Variants in CSMD1 observed in about 807,000 individuals in gnomAD.
CSMD1 encodes CUB and sushi domain-containing protein 1.
CSMD1 carries 213 observed loss-of-function variants against 417.5 expected under a neutral mutation model. The observed-to-expected ratio is 0.51, with a 90% CI of 0.46 to 0.57. The LOEUF is 0.57. Ranked by LOEUF, CSMD1 falls within the 20% of genes least tolerant of loss-of-function variation. The pLI, the probability that CSMD1 is intolerant of heterozygous loss-of-function variation, is 0.00. For missense variants in CSMD1, 6,923 were observed against 4,529.7 expected (o/e 1.53, Z -15.17); for synonymous variants, 2,862 against 1,736.8 (o/e 1.65, Z -16.11).
At chr8:4,123,741 AAT>A (rs1350911219) in intron 3 of CSMD1, among the ~76,000 whole-genome samples, 1 of 152,204 alleles carries the variant, frequency 6.6e-6, no homozygotes, top group Non-Finnish European at 1.5e-5. Context: ...ATTAGAATTC[AAT>A]GTGTTTATGC....
At chr8:3,277,983 G>GT (rs371139672) in intron 26 of CSMD1, among the ~76,000 whole-genome samples, 46 of 152,260 alleles carry the variant, frequency 3.0e-4, no homozygotes, top group Middle Eastern at 3.4e-3. Flanking sequence ...AGAAACCTTC[G>GT]TGGGTATCTT....
intron 3 of CSMD1, among the ~76,000 whole-genome samples, chr8:4,257,312 T>G (rs1002502340): frequency 5.9e-5 from 9 of 152,212 alleles, no homozygotes; most frequent in Admixed American, 4.6e-4. Context: ...CAATACAGTT[T>G]TAAATGATAA....
At chr8:3,814,841 G>A (rs1422371096) in intron 5 of CSMD1, among the ~76,000 whole-genome samples, 1 of 152,036 alleles carries the variant, frequency 6.6e-6, no homozygotes, top group East Asian at 1.9e-4. Flanking sequence ...TGAAGAAGCG[G>A]ACTCCTTCAT....
At chr8:4,055,190 A>G (rs1798628741) in intron 3 of CSMD1, among the ~76,000 whole-genome samples, 1 of 152,164 alleles carries the variant, frequency 6.6e-6, no homozygotes, top group African/African-American at 2.4e-5. Context: ...TCAAGTTAAA[A>G]CTTCAATTTT....
At chr8:4,247,573 A>C (rs915242636) in intron 3 of CSMD1, among the ~76,000 whole-genome samples, 1 of 152,136 alleles carries the variant, frequency 6.6e-6, no homozygotes, top group Non-Finnish European at 1.5e-5. Flanking sequence ...GCATAATACC[A>C]CCATTCTTGT....
At chr8:3,466,467 T>C (rs1287107379) in intron 12 of CSMD1, among the ~76,000 whole-genome samples, 2 of 152,060 alleles carry the variant, frequency 1.3e-5, no homozygotes, top group Admixed American at 6.6e-5. Flanking sequence ...TGGAGTGCAG[T>C]GGCACGATCT....
At position 4,320,690 on chromosome 8, in the gene CSMD1, T is replaced by A. The variant is rs561282255; in HGVS notation, c.415+99263A>T. On this transcript the variant is annotated intron_variant, in intron 3 of 69. Coordinates refer to ENST00000635120, the MANE Select transcript of CSMD1 (RefSeq NM_033225.6). ...ATGTCCTGCAAAGGACATGAACTCA[T>A]CCTTTTTTATGGCTGCATAGTATTC... Among the ~76,000 whole-genome samples, 3 of 152,288 alleles carry A rather than the reference T, an allele frequency of 2.0e-5. No individual in the cohort carries two copies. The East Asian group carries it at 5.8e-4, about 29-fold the overall frequency.
chr8:4,925,698 C>G (rs1384323889), intron 1 of CSMD1, among the ~76,000 whole-genome samples: 1 of 152,082 alleles, frequency 6.6e-6, no homozygotes, highest in Non-Finnish European at 1.5e-5. Context: ...AGGCGCCCGC[C>G]ACCACGCAGG....
chr8:4,066,876 C>T (rs1406160615), intron 3 of CSMD1, among the ~76,000 whole-genome samples: 1 of 152,174 alleles, frequency 6.6e-6, no homozygotes, highest in Non-Finnish European at 1.5e-5. Context: ...TTTAACACAG[C>T]CTCACAGAAC....
chr8:3,359,237 C>G lies in CSMD1; in HGVS notation c.3219G>C (p.Leu1073=). 6.2e-7 allele frequency: 1 copy of G among 1,613,832 alleles called. No individual in the cohort carries two copies. The highest frequency in any genetic ancestry group is 8.5e-7 in the Non-Finnish European group (1 of 1,179,834). ...TGGTGGCACCTTCTAAACGATATCC[C>G]AGGAAGCAGGAAAACGTCAGAGAGT... ...VGDSLTFSCF[L]GYRLEGATKL... Residue 1073 remains leucine (L), a synonymous_variant, in exon 21 of 70, where the codon CTG becomes CTC. Coordinates refer to ENST00000635120, the MANE Select transcript of CSMD1 (RefSeq NM_033225.6).
chr8:3,619,033 C>T (rs1774824266), intron 7 of CSMD1, among the ~76,000 whole-genome samples: 1 of 152,104 alleles, frequency 6.6e-6, no homozygotes, highest in Non-Finnish European at 1.5e-5. Context: ...ACAAGCACTG[C>T]TGTATAGAAA....
intron 7 of CSMD1, among the ~76,000 whole-genome samples, chr8:3,692,947 C>T (rs935287007): frequency 1.2e-4 from 19 of 152,002 alleles, no homozygotes; most frequent in African/African-American, 4.6e-4. Flanking sequence ...AAAAAGTGAT[C>T]CTGTTTTTTT....
At chr8:3,390,678 T>C (rs1348775456) in intron 17 of CSMD1, among the ~76,000 whole-genome samples, 34 of 152,162 alleles carry the variant, frequency 2.2e-4, no homozygotes, top group Admixed American at 2.2e-3. Context: ...CAATTGGTCT[T>C]TGCAAAATAA....
At chr8:3,627,771 G>A (rs1256826333) in intron 7 of CSMD1, among the ~76,000 whole-genome samples, 5 of 152,174 alleles carry the variant, frequency 3.3e-5, no homozygotes, top group Admixed American at 2.6e-4. Flanking sequence ...TGAGAAAAGT[G>A]AGGGTTGGAA....
intron 27 of CSMD1, among the ~76,000 whole-genome samples, chr8:3,224,285 A>G (rs554366294): frequency 1.3e-5 from 2 of 152,318 alleles, no homozygotes; most frequent in Admixed American, 1.3e-4. Flanking sequence ...TTATTTTGCT[A>G]TTTCTCACAG....
intron 1 of CSMD1, among the ~76,000 whole-genome samples, chr8:4,842,455 G>C (rs1006493818): frequency 1.3e-5 from 2 of 152,090 alleles, no homozygotes; most frequent in Admixed American, 1.3e-4. Flanking sequence ...CTGCATTTTG[G>C]TAATCTTTCA....
rs773112587 is a variant in CSMD1, at chr8:3,359,347, C to T, written c.3116-7G>A. 3 of 1,608,596 alleles carry T rather than the reference C, an allele frequency of 1.9e-6. No individual in the cohort carries two copies. The highest frequency in any genetic ancestry group is 2.5e-6 in the Non-Finnish European group (3 of 1,177,344). On this transcript the variant is annotated splice_region_variant and splice_polypyrimidine_tract_variant and intron_variant, in intron 20 of 69. Transcript: ENST00000635120. ...CATGGCTCCAGGTCATATTCTGAGG[C>T]ATGCAGAGACAGAGTAAATGCATGA...
intron 49 of CSMD1, among the ~76,000 whole-genome samples, chr8:3,070,171 C>A (rs755425591): frequency 2.6e-5 from 4 of 152,172 alleles, no homozygotes; most frequent in African/African-American, 4.8e-5. Flanking sequence ...GGAGGGTCTG[C>A]CATAAAGGTC....
At chr8:3,872,729 G>A (rs964161883) in intron 5 of CSMD1, among the ~76,000 whole-genome samples, 18 of 151,278 alleles carry the variant, frequency 1.2e-4, no homozygotes, top group African/African-American at 4.1e-4. Flanking sequence ...TTAACAGAGT[G>A]AACAGATAAC....
Sources: allele counts gnomAD v4.1 joint callset (sites outside exome capture counted in the v4.1 genomes callset), GRCh38; gene constraint gnomAD v4.1.1; transcripts MANE v1.5; gene names NCBI Gene and HGNC (gene_info 2026-07-23, HGNC 2026-07-21).